Variants in CAMK1D observed in about 807,000 individuals in gnomAD.
CAMK1D encodes the protein calcium/calmodulin-dependent protein kinase type 1D.
CAMK1D carries 9 observed loss-of-function variants against 47.7 expected under a neutral mutation model. That is an observed-to-expected ratio of 0.19 (90% CI 0.11 to 0.33). The LOEUF (loss-of-function observed/expected upper bound fraction) is 0.33, where lower values mean the gene tolerates loss of function less well. Among genes scored for constraint, CAMK1D ranks in the 10% least tolerant of loss-of-function variants. CAMK1D has a pLI of 1.00. For synonymous variants in CAMK1D, 184 were observed against 184.9 expected (o/e 0.99, Z 0.04); for missense variants, 291 against 488.7 (o/e 0.60, Z 3.81).
chr10:12,820,485 G>C (rs1259585855), intron 8 of CAMK1D, among the ~76,000 whole-genome samples: 1 of 152,240 alleles, frequency 6.6e-6, no homozygotes, highest in Non-Finnish European at 1.5e-5. Flanking sequence ...ATTCAGGTGA[G>C]AGCTGGCAGA....
intron 1 of CAMK1D, among the ~76,000 whole-genome samples, chr10:12,473,323 A>T (rs1336427979): frequency 2.0e-5 from 3 of 152,068 alleles, no homozygotes; most frequent in Non-Finnish European, 4.4e-5. Context: ...AATTCCAGCT[A>T]CTCGGAAGGC....
chr10:12,387,407 TTATATATATTTTA>T (rs1158234449), intron 1 of CAMK1D, among the ~76,000 whole-genome samples: 1 of 86,118 alleles, frequency 1.2e-5, no homozygotes, highest in African/African-American at 4.2e-5. Context: ...TTTTTATATA[TTATATATATTTTA>T]TATATTTTAT....
intron 2 of CAMK1D, among the ~76,000 whole-genome samples, chr10:12,661,081 G>A (rs1840261455): frequency 6.6e-6 from 1 of 152,022 alleles, no homozygotes; most frequent in Non-Finnish European, 1.5e-5. Flanking sequence ...TATTCCTTCT[G>A]CTTTTCAACA....
At chr10:12,619,181 CTG>C (rs1405216038) in intron 2 of CAMK1D, among the ~76,000 whole-genome samples, 11 of 152,310 alleles carry the variant, frequency 7.2e-5, no homozygotes, top group African/African-American at 2.6e-4. Flanking sequence ...GTCTAGTAAA[CTG>C]TTCCAATTTC....
At chr10:12,468,133 G>T (rs1833645253) in intron 1 of CAMK1D, among the ~76,000 whole-genome samples, 1 of 152,206 alleles carries the variant, frequency 6.6e-6, no homozygotes, top group Non-Finnish European at 1.5e-5. Flanking sequence ...ATGGCGCACT[G>T]CAGCCTTGAC....
chr10:12,437,576 C>G (rs1248885736), intron 1 of CAMK1D, among the ~76,000 whole-genome samples: 1 of 152,132 alleles, frequency 6.6e-6, no homozygotes, highest in Non-Finnish European at 1.5e-5. Flanking sequence ...ACTCGCTGCC[C>G]TACACACATG....
At chr10:12,461,224 G>A (rs1359742830) in intron 1 of CAMK1D, among the ~76,000 whole-genome samples, 3 of 152,176 alleles carry the variant, frequency 2.0e-5, no homozygotes, top group African/African-American at 7.2e-5. Context: ...AAGGCACCTG[G>A]CCACTCTGAG....
At chr10:12,466,171 A>G (rs978798420) in intron 1 of CAMK1D, among the ~76,000 whole-genome samples, 4 of 151,846 alleles carry the variant, frequency 2.6e-5, no homozygotes, top group African/African-American at 9.7e-5. Context: ...TTTTAGGGAG[A>G]CCAAGGCGGG....
intron 1 of CAMK1D, among the ~76,000 whole-genome samples, chr10:12,506,547 C>T (rs537491752): frequency 1.3e-5 from 2 of 152,026 alleles, no homozygotes; most frequent in African/African-American, 4.8e-5. Context: ...CGGGGAGTCT[C>T]GTTCTGTCGC....
At chr10:12,490,388 GC>G (rs760931810) in intron 1 of CAMK1D, among the ~76,000 whole-genome samples, 7 of 152,134 alleles carry the variant, frequency 4.6e-5, no homozygotes, top group Non-Finnish European at 1.0e-4. Flanking sequence ...TGGGGGACTG[GC>G]TCCCCAGCTT....
chr10:12,520,693 G>A (rs1448151376), intron 1 of CAMK1D, among the ~76,000 whole-genome samples: 22 of 44,666 alleles, frequency 4.9e-4, no homozygotes, highest in African/African-American at 1.9e-3. Context: ...TCGGGAGGCC[G>A]AGGCTGGCGG....
intron 6 of CAMK1D, among the ~76,000 whole-genome samples, chr10:12,797,621 ATTGT>A (rs1404678935): frequency 1.3e-5 from 2 of 151,940 alleles, no homozygotes; most frequent in African/African-American, 4.8e-5. Flanking sequence ...GCAGGCATCG[ATTGT>A]TTGTTATGAT....
chr10:12,742,426 C>T (rs775123322), intron 3 of CAMK1D, among the ~76,000 whole-genome samples: 3 of 152,182 alleles, frequency 2.0e-5, no homozygotes, highest in East Asian at 3.9e-4. Context: ...TGAGCCACCA[C>T]GCACAGCAGA....
At chr10:12,636,814 G>A (rs543564843) in intron 2 of CAMK1D, among the ~76,000 whole-genome samples, 3 of 152,210 alleles carry the variant, frequency 2.0e-5, no homozygotes, top group South Asian at 2.1e-4. Context: ...CCTTCTGTCA[G>A]TAACTGTTTT....
At chr10:12,420,002 C>G (rs1839995590) in intron 1 of CAMK1D, among the ~76,000 whole-genome samples, 1 of 151,912 alleles carries the variant, frequency 6.6e-6, no homozygotes, top group African/African-American at 2.4e-5. Context: ...CTCTGTCGCC[C>G]AGGCTGAAGC....
rs575204871 is a variant in CAMK1D at position 12,616,813 on chromosome 10, G to T, written c.225-49923G>T. 2.0e-5 allele frequency among the ~76,000 whole-genome samples: 3 copies of T among 152,288 alleles called. No individual in the cohort carries two copies. In the South Asian group the frequency reaches 6.2e-4, roughly 32 times the overall value. On this transcript the variant is annotated intron_variant, in intron 2 of 10. Coordinates refer to ENST00000619168, the MANE Select transcript of CAMK1D (RefSeq NM_153498.4). Reference sequence around the variant, plus strand: ...ATGACAGGCCTGAGCCACCGCGCCTGGCCGAGGTCAAGTATCTTCTCACCA... The same window carrying T: ...ATGACAGGCCTGAGCCACCGCGCCTTGCCGAGGTCAAGTATCTTCTCACCA...
chr10:12,411,084 C>T lies in CAMK1D; in HGVS notation c.92+61174C>T, dbSNP rs994403767. 5.3e-5 allele frequency among the ~76,000 whole-genome samples: 8 copies of T among 152,294 alleles called. No homozygotes were observed. The East Asian group carries it at 9.6e-4, about 18-fold the overall frequency. On this transcript the variant is annotated intron_variant, in intron 1 of 10. Coordinates refer to ENST00000619168, the MANE Select transcript of CAMK1D (RefSeq NM_153498.4). ...TGTGCTTCTGTAATGGATTAAGCTT[C>T]GAGCCCACCCCATCGGCTCCCATCA... is the stretch of plus-strand genomic sequence containing the variant.
chr10:12,424,565 A>T (rs912533974), intron 1 of CAMK1D, among the ~76,000 whole-genome samples: 1 of 152,060 alleles, frequency 6.6e-6, no homozygotes, highest in Non-Finnish European at 1.5e-5. Context: ...GCTTCCTTCT[A>T]TCTTGGCCCC....
intron 1 of CAMK1D, among the ~76,000 whole-genome samples, chr10:12,403,548 T>A (rs1839305888): frequency 6.6e-6 from 1 of 152,218 alleles, no homozygotes; most frequent in South Asian, 2.1e-4. Flanking sequence ...CTATAAAGAC[T>A]CAAAATTTAC....
Sources: gnomAD v4.1 joint callset for allele counts (sites outside exome capture counted in the v4.1 genomes callset) on GRCh38, gnomAD v4.1.1 for gene constraint, MANE v1.5 for transcripts, NCBI Gene and HGNC (gene_info 2026-07-23, HGNC 2026-07-21) for gene names.